Variants in ARL5C observed in about 807,000 individuals in gnomAD.
The protein encoded by ARL5C is ARF like GTPase 5C.
Under a neutral mutation model 20.8 loss-of-function variants are expected in ARL5C, and 21 were observed. That is an observed-to-expected ratio of 1.01 (90% CI 0.72 to 1.46). The LOEUF (loss-of-function observed/expected upper bound fraction) is 1.46. ARL5C is among the 40% of genes most tolerant of loss of function. ARL5C has a pLI of 0.00. For synonymous variants in ARL5C, 71 were observed against 81.6 expected, an observed-to-expected ratio of 0.87 and a Z score of 0.70; for missense variants, 199 against 225.1, an observed-to-expected ratio of 0.88 and a Z score of 0.74.
chr17:39,159,485 C>T (rs1428795224), intron 5 of ARL5C, among the ~76,000 whole-genome samples: 3 of 151,684 alleles, frequency 2.0e-5, no homozygotes, highest in African/African-American at 4.8e-5. Context: ...TTAGTAGAGA[C>T]GGGGTTCCTC....
At chr17:39,163,382 C>CTTTCTTTCTTTCTTTCTT (rs1555576151) in intron 2 of ARL5C, among the ~76,000 whole-genome samples, 4 of 142,656 alleles carry the variant, frequency 2.8e-5, no homozygotes, top group Admixed American at 7.0e-5. Flanking sequence ...TTCTTTCTTT[C>CTTTCTTTCTTTCTTTCTT]TTTCTTTCTT....
In ARL5C at chr17:39,162,765, T is replaced by C. The variant is rs1211123299; in HGVS notation, c.201A>G (p.Ile67Met). The C allele has an allele frequency of 1.3e-6, 2 of 1,551,616 alleles. No homozygotes were observed. Among genetic ancestry groups the C allele is most frequent in the South Asian group, 1.2e-5 (1 of 84,060 alleles). The change falls in exon 3 of 6, where the codon ATA becomes ATG. Residue 67 changes from isoleucine (I) to methionine (M), a missense_variant. Ile to Met is a conservative substitution (Grantham distance 10, BLOSUM62 1). Coordinates refer to ENST00000269586, the MANE Select transcript of ARL5C (RefSeq NM_001143968.1). ...TAAAGCTCAGAGCCTCAGGTCTCAC[T>C]ATGTCCCACATGAAGAAGTGGGTCT... is the stretch of plus-strand genomic sequence containing the variant. ...LPKTHFFMWDIVRPEALSFIW... is the reference protein window; with the variant it reads ...LPKTHFFMWDMVRPEALSFIW...
Sources: gnomAD v4.1 joint callset for allele counts (sites outside exome capture counted in the v4.1 genomes callset) on GRCh38, gnomAD v4.1.1 for gene constraint, MANE v1.5 for transcripts, NCBI Gene and HGNC (gene_info 2026-07-23, HGNC 2026-07-21) for gene names.